Variants in MAPKAP1 observed in about 807,000 individuals in gnomAD.
MAPKAP1 encodes the protein target of rapamycin complex 2 subunit MAPKAP1.
Under a neutral mutation model 65.7 loss-of-function variants are expected in MAPKAP1, and 20 were observed. The ratio of observed to expected loss-of-function variants is 0.30; its 90% confidence interval spans 0.21 to 0.44. The LOEUF is 0.44. Among genes scored for constraint, MAPKAP1 ranks in the 20% least tolerant of loss-of-function variants. MAPKAP1 has a pLI of 1.00. For synonymous variants in MAPKAP1, 222 were observed against 244.3 expected, an observed-to-expected ratio of 0.91 and a Z score of 0.85; for missense variants, 423 against 648.0, an observed-to-expected ratio of 0.65 and a Z score of 3.77.
At chr9:125,446,968 C>T (rs73591518) in intron 10 of MAPKAP1, among the ~76,000 whole-genome samples, 2,060 of 152,246 alleles carry the variant, frequency 0.014, 51 homozygotes, top group African/African-American at 0.047. Flanking sequence ...AGAAAGGAAG[C>T]GTTGACACTG....
intron 8 of MAPKAP1, among the ~76,000 whole-genome samples, chr9:125,495,127 A>T (rs921247248): frequency 1.3e-5 from 2 of 152,192 alleles, no homozygotes; most frequent in African/African-American, 4.8e-5. Context: ...GCCCAGGAAA[A>T]GTAATGGGGT....
intron 10 of MAPKAP1, among the ~76,000 whole-genome samples, chr9:125,451,577 C>T (rs1852951056): frequency 6.6e-6 from 1 of 152,248 alleles, no homozygotes; most frequent in Admixed American, 6.5e-5. Flanking sequence ...GCAGCATGTC[C>T]AGAACAGACA....
chr9:125,703,801 G>C (rs1835677089), intron 1 of MAPKAP1, among the ~76,000 whole-genome samples: 1 of 148,818 alleles, frequency 6.7e-6, no homozygotes, highest in Non-Finnish European at 1.5e-5. Context: ...TAACGTGACA[G>C]AAGTCCTTGT....
chr9:125,518,491 C>G (rs991401355), intron 7 of MAPKAP1, among the ~76,000 whole-genome samples: 1 of 151,826 alleles, frequency 6.6e-6, no homozygotes, highest in Non-Finnish European at 1.5e-5. Context: ...AGTGAAACCT[C>G]GTCGCTACAA....
intron 8 of MAPKAP1, among the ~76,000 whole-genome samples, chr9:125,491,004 G>A (rs1456978187): frequency 2.0e-5 from 3 of 152,010 alleles, no homozygotes; most frequent in African/African-American, 4.8e-5. Flanking sequence ...TGAGGATGGC[G>A]GGGCATGCCT....
chr9:125,662,844 CCA>C (rs1834228220), intron 3 of MAPKAP1, among the ~76,000 whole-genome samples: 2 of 151,690 alleles, frequency 1.3e-5, no homozygotes, highest in Middle Eastern at 3.4e-3. Context: ...AGTAGTAGTG[CCA>C]CAGTTTCCTT....
At chr9:125,555,395 A>G (rs574035229) in intron 6 of MAPKAP1, among the ~76,000 whole-genome samples, 1 of 152,376 alleles carries the variant, frequency 6.6e-6, no homozygotes, top group South Asian at 2.1e-4. Context: ...GTAGCAAGAT[A>G]CTATTGAAGC....
At chr9:125,569,331 G>C (rs532965300) in intron 5 of MAPKAP1, among the ~76,000 whole-genome samples, 119 of 152,318 alleles carry the variant, frequency 7.8e-4, no homozygotes, top group African/African-American at 2.7e-3. Context: ...AAAGGAAATG[G>C]AGACTGCCCC....
At chr9:125,701,820 C>CTTATA (rs1835608399) in intron 1 of MAPKAP1, among the ~76,000 whole-genome samples, 1 of 152,226 alleles carries the variant, frequency 6.6e-6, no homozygotes, top group Non-Finnish European at 1.5e-5. Context: ...ATCTCACCAG[C>CTTATA]CAGATCTATA....
intron 5 of MAPKAP1, among the ~76,000 whole-genome samples, chr9:125,576,085 G>A (rs535330229): frequency 6.6e-6 from 1 of 152,248 alleles, no homozygotes; most frequent in African/African-American, 2.4e-5. Context: ...GTCTGAAAAG[G>A]CTACATATGG....
intron 1 of MAPKAP1, among the ~76,000 whole-genome samples, chr9:125,697,260 C>G (rs1281162835): frequency 1.3e-5 from 2 of 152,174 alleles, no homozygotes; most frequent in African/African-American, 4.8e-5. Context: ...TCACAATCAC[C>G]TGCATTAGTG....
At chr9:125,544,301 C>T (rs923010235) in intron 6 of MAPKAP1, among the ~76,000 whole-genome samples, 2 of 151,892 alleles carry the variant, frequency 1.3e-5, no homozygotes, top group African/African-American at 4.8e-5. Flanking sequence ...AGCCACCGCA[C>T]CTGGCTGTAT....
At chr9:125,606,741 G>A (rs1020785648) in intron 4 of MAPKAP1, among the ~76,000 whole-genome samples, 2 of 152,174 alleles carry the variant, frequency 1.3e-5, no homozygotes, top group Admixed American at 1.3e-4. Context: ...GCGAAAAGGA[G>A]AGACAAAAGC....
intron 10 of MAPKAP1, among the ~76,000 whole-genome samples, chr9:125,464,132 G>A (rs1853593189): frequency 6.6e-6 from 1 of 150,750 alleles, no homozygotes; most frequent in South Asian, 2.1e-4. Context: ...GGTGGGTTGA[G>A]GTGGGAGGAT....
At chr9:125,678,400 G>A (rs906591204) in intron 1 of MAPKAP1, among the ~76,000 whole-genome samples, 2 of 151,940 alleles carry the variant, frequency 1.3e-5, no homozygotes, top group Non-Finnish European at 2.9e-5. Flanking sequence ...CCGCCACCAC[G>A]CCTGGCTAAT....
chr9:125,446,878 A>C (rs902238086), intron 10 of MAPKAP1, among the ~76,000 whole-genome samples: 3 of 152,202 alleles, frequency 2.0e-5, no homozygotes, highest in African/African-American at 7.2e-5. Flanking sequence ...GACACTGTTA[A>C]AAAGGTTTCC....
chr9:125,668,757 C>A (rs1834412154), intron 3 of MAPKAP1, among the ~76,000 whole-genome samples: 1 of 152,244 alleles, frequency 6.6e-6, no homozygotes, highest in African/African-American at 2.4e-5. Context: ...ATACCAGCAA[C>A]ATAATGGTTT....
chr9:125,597,749 C>A (rs1004624917), intron 4 of MAPKAP1, among the ~76,000 whole-genome samples: 3 of 152,134 alleles, frequency 2.0e-5, no homozygotes, highest in African/African-American at 7.2e-5. Context: ...TGTATCCAGA[C>A]GATGTAATGA....
intron 10 of MAPKAP1, among the ~76,000 whole-genome samples, chr9:125,465,851 G>GA (rs753716460): frequency 1.5e-4 from 23 of 152,326 alleles, no homozygotes; most frequent in Non-Finnish European, 3.1e-4. Context: ...CTTGAAAAAT[G>GA]AGCAGGCTGA....
Sources: gnomAD v4.1 joint callset for allele counts (sites outside exome capture counted in the v4.1 genomes callset) on GRCh38, gnomAD v4.1.1 for gene constraint, MANE v1.5 for transcripts, NCBI Gene and HGNC (gene_info 2026-07-23, HGNC 2026-07-21) for gene names.